IL5RA: variants seen among roughly 807,000 people sequenced by gnomAD.
IL5RA encodes interleukin 5 receptor subunit alpha.
In IL5RA, 49 loss-of-function variants were observed where a neutral mutation model predicts 50.0. That is an observed-to-expected ratio of 0.98 (90% CI 0.78 to 1.24). IL5RA has a LOEUF of 1.24. Among genes scored for constraint, IL5RA ranks in the 50% most tolerant of loss-of-function variants. The pLI, the probability that IL5RA is intolerant of heterozygous loss-of-function variation, is 0.00. For missense variants in IL5RA, 600 were observed against 500.4 expected (o/e 1.20, Z -1.90); for synonymous variants, 202 against 174.0 (o/e 1.16, Z -1.26).
Position 3,066,916 on chromosome 3 carries a change from A to T in IL5RA, c.*3309T>A, listed in dbSNP as rs1702150772. 1 of 152,196 alleles carries T rather than the reference A, an allele frequency of 6.6e-6. No homozygotes were observed. Among genetic ancestry groups the T allele is most frequent in the South Asian group, 2.1e-4 (1 of 4,832 alleles). 9.4% of individuals were successfully genotyped at this position (152,196 alleles called of 1,614,324 possible). ...GGGCTAAAAATCCCTATTGGAACGG[A>T]TATCTTGGAAAAGCATGTTTGTTCT... On this transcript the variant is annotated 3_prime_UTR_variant, in exon 12 of 12. Coordinates refer to ENST00000446632, the MANE Select transcript of IL5RA (RefSeq NM_175726.4).
intron 3 of IL5RA, among the ~76,000 whole-genome samples, chr3:3,103,922 C>T (rs755111122): frequency 7.9e-5 from 12 of 152,210 alleles, no homozygotes; most frequent in Admixed American, 2.0e-4. Context: ...TTGACCTTAA[C>T]GGACTTCCAC....
chr3:3,074,991 T>C (rs1213718630), intron 10 of IL5RA, 125 bp from the exon 11 acceptor site: 8 of 642,260 alleles, frequency 1.2e-5, no homozygotes, highest in Non-Finnish European at 1.9e-5. Context: ...AATCTTTACG[T>C]ACCAAGACTT....
chr3:3,074,829 C>G lies in IL5RA; in HGVS notation c.1129G>C (p.Ala377Pro), dbSNP rs1412084412. ...AGATCTTTGATATTACTTTTTGGTG[C>G]TGGAATTGGTGGAAACAACTTGATC... is the stretch of plus-strand genomic sequence containing the variant. ...LWIKLFPPIP[A>P]PKSNIKDLFV... is the part of the protein sequence containing the mutation. Residue 377 changes from alanine to proline, a missense_variant, in exon 11 of 12, where the codon GCA becomes CCA. Transcript: ENST00000446632. The G allele has an allele frequency of 3.7e-6, 6 of 1,611,054 alleles. 1 individual carries two copies. In the Admixed American group the frequency reaches 1.0e-4, roughly 27 times the overall value.
chr3:3,091,534 C>G (rs1703100724), intron 9 of IL5RA, among the ~76,000 whole-genome samples: 2 of 152,088 alleles, frequency 1.3e-5, no homozygotes, highest in African/African-American at 4.8e-5. Flanking sequence ...GAGTTCGAGA[C>G]CAGCCTGACC....
intron 10 of IL5RA, among the ~76,000 whole-genome samples, chr3:3,075,654 G>A (rs1475221707): frequency 4.6e-5 from 7 of 151,076 alleles, no homozygotes; most frequent in African/African-American, 1.7e-4. Context: ...AGGCTGGAGT[G>A]CAATGGTACG....
chr3:3,075,663 C>T (rs984825267), intron 10 of IL5RA, among the ~76,000 whole-genome samples: 2 of 150,860 alleles, frequency 1.3e-5, no homozygotes, highest in African/African-American at 4.9e-5. Context: ...TGCAATGGTA[C>T]GATCTTGGCT....
At position 3,098,059 on chromosome 3, in the gene IL5RA, TA is replaced by T; in HGVS notation, c.522-3del. On this transcript the variant is annotated splice_region_variant and splice_polypyrimidine_tract_variant and intron_variant, in intron 6 of 11. Transcript: ENST00000446632. ...CATTCTTCAGTCCAAGAGCCATACC[TA>T]AATTGGAACATTTACGAGTGTTATG... 1 of 1,614,186 alleles carries T rather than the reference TA, an allele frequency of 6.2e-7. No individual in the cohort carries two copies. Among genetic ancestry groups the T allele is most frequent in the Non-Finnish European group, 8.5e-7 (1 of 1,180,026 alleles).
At chr3:3,104,852 C>A in intron 3 of IL5RA, 51 bp downstream of exon 3, 5 of 1,112,288 alleles carry the variant, frequency 4.5e-6, no homozygotes, top group Non-Finnish European at 6.8e-6. Flanking sequence ...TATCCTTTTA[C>A]TAACATATTT....
chr3:3,080,300 G>A lies in IL5RA; in HGVS notation c.995-3673C>T, dbSNP rs17878758. Among the ~76,000 whole-genome samples, 774 of 152,258 alleles carry A rather than the reference G, an allele frequency of 5.1e-3. 7 individuals are homozygous for A. The highest frequency in any genetic ancestry group is 0.018 in the African/African-American group (737 of 41,540). ...TATTATTCTCACTGTACAGATGGAG[G>A]AACTGAGGCAGAAAAGGACAGAGTA... is the stretch of plus-strand genomic sequence containing the variant. On this transcript the variant is annotated intron_variant, in intron 9 of 11. Coordinates refer to ENST00000446632, the MANE Select transcript of IL5RA (RefSeq NM_175726.4).
At chr3:3,105,826 G>A (rs1201704525) in intron 2 of IL5RA, among the ~76,000 whole-genome samples, 4 of 152,114 alleles carry the variant, frequency 2.6e-5, no homozygotes, top group African/African-American at 7.2e-5. Flanking sequence ...GAGGAGAGTC[G>A]GTGATCTCTT....
At chr3:3,083,346 C>G (rs1022641652) in intron 9 of IL5RA, among the ~76,000 whole-genome samples, 7 of 152,168 alleles carry the variant, frequency 4.6e-5, no homozygotes, top group Admixed American at 2.6e-4. Flanking sequence ...ATCACACACA[C>G]AGCTTGCACT....
intron 11 of IL5RA, among the ~76,000 whole-genome samples, chr3:3,072,148 G>T (rs1254293035): frequency 1.3e-5 from 2 of 152,218 alleles, no homozygotes; most frequent in Non-Finnish European, 2.9e-5. Context: ...GTCCTTGGAC[G>T]TGGAGGCTGT....
chr3:3,071,667 G>T (rs538454463), intron 11 of IL5RA, among the ~76,000 whole-genome samples: 70 of 148,972 alleles, frequency 4.7e-4, no homozygotes, highest in Non-Finnish European at 7.4e-4. Context: ...TCAGCTCACT[G>T]CAACCTCCGC....
chr3:3,102,785 C>G lies in IL5RA; in HGVS notation c.118G>C (p.Val40Leu), dbSNP rs545576267. 3 of 1,610,848 alleles carry G rather than the reference C, an allele frequency of 1.9e-6. No homozygotes were observed. Among genetic ancestry groups the G allele is most frequent in the South Asian group, 1.1e-5 (1 of 90,242 alleles). Residue 40 changes from valine (V) to leucine (L), a missense_variant, in exon 4 of 12, where the codon GTT becomes CTT. Coordinates refer to ENST00000446632, the MANE Select transcript of IL5RA (RefSeq NM_175726.4). ...LLPPVNFTIKVTGLAQVLLQW... is the reference protein window; with the variant it reads ...LLPPVNFTIKLTGLAQVLLQW... Reference sequence around the variant, plus strand: ...AAAAGAACTTGAGCCAAACCAGTAACTTTAATGGTGAAATTGACAGGTGGG... The same window carrying G: ...AAAAGAACTTGAGCCAAACCAGTAAGTTTAATGGTGAAATTGACAGGTGGG...
chr3:3,101,862 A>C (rs757909040), intron 4 of IL5RA, 32 bp from the exon 5 acceptor site: 6 of 1,596,172 alleles, frequency 3.8e-6, no homozygotes, highest in Non-Finnish European at 5.1e-6. Flanking sequence ...CATGATACAT[A>C]AAAGAGAACT....
At chr3:3,091,703 G>A (rs1218893335) in intron 9 of IL5RA, 1 of 152,830 alleles carries the variant, frequency 6.5e-6, no homozygotes, top group Non-Finnish European at 1.5e-5. Context: ...CTGCACTCCA[G>A]CCAGGGCGAC....
At chr3:3,099,080 A>C (rs1329714358) in intron 5 of IL5RA, among the ~76,000 whole-genome samples, 1 of 152,216 alleles carries the variant, frequency 6.6e-6, no homozygotes, top group Non-Finnish European at 1.5e-5. Flanking sequence ...CAAATTCTTC[A>C]TGAATTACAT....
chr3:3,097,969 G>A lies in IL5RA; in HGVS notation c.610C>T (p.Leu204Phe). 8 of 1,614,192 alleles carry A rather than the reference G, an allele frequency of 5.0e-6. No homozygotes were observed. The highest frequency in any genetic ancestry group is 6.8e-6 in the Non-Finnish European group (8 of 1,180,042). ...IACWFPRTFI[L>F]SKGRDWLAVL... ...GCAAGCCAGTCACGCCCTTTGCTGA[G>A]GATAAAAGTCCTGGGAAACCAGCAT... The change falls in exon 7 of 12, where the codon CTC becomes TTC. Residue 204 changes from leucine to phenylalanine, a missense_variant. Physicochemically the swap from Leu to Phe is conservative, Grantham distance 22 (BLOSUM62 0). Coordinates refer to ENST00000446632, the MANE Select transcript of IL5RA (RefSeq NM_175726.4).
At chr3:3,089,842 C>T (rs982855677) in intron 9 of IL5RA, 9 of 165,078 alleles carry the variant, frequency 5.5e-5, no homozygotes, top group Admixed American at 4.2e-4. Flanking sequence ...AGGATGGTGT[C>T]GATCTCCTGA....
Sources: gnomAD v4.1 joint callset for allele counts (sites outside exome capture counted in the v4.1 genomes callset) on GRCh38, gnomAD v4.1.1 for gene constraint, MANE v1.5 for transcripts, NCBI Gene and HGNC (gene_info 2026-07-23, HGNC 2026-07-21) for gene names.